The following ARID1A variants were observed in gnomAD, a reference collection of about 807,000 sequenced individuals.
The protein encoded by ARID1A is AT-rich interactive domain-containing protein 1A.
ARID1A carries 20 observed loss-of-function variants against 212.6 expected under a neutral mutation model. The ratio of observed to expected loss-of-function variants is 0.09; its 90% CI spans 0.07 to 0.14. The LOEUF is 0.14. Among genes scored for constraint, ARID1A ranks in the 10% least tolerant of loss-of-function variants. The pLI, the probability that ARID1A is intolerant of heterozygous loss-of-function variation, is 1.00. For synonymous variants in ARID1A, 1,376 were observed against 1,222.1 expected (o/e 1.13, Z -2.63); for missense variants, 2,587 against 3,059.0 (o/e 0.85, Z 3.64).
At chr1:26,760,454 A>C (rs1173041697) in intron 4 of ARID1A, among the ~76,000 whole-genome samples, 1 of 152,050 alleles carries the variant, frequency 6.6e-6, no homozygotes, top group African/African-American at 2.4e-5. Flanking sequence ...TTGGGAGGCC[A>C]AGGAGGGTGG....
At position 26,731,350 on chromosome 1, in the gene ARID1A, C is replaced by G. The variant is rs1250358228; in HGVS notation, c.1549C>G (p.Pro517Ala). The G allele has an allele frequency of 6.2e-7, 1 of 1,613,928 alleles. No individual in the cohort carries two copies. The highest frequency in any genetic ancestry group is 8.5e-7 in the Non-Finnish European group (1 of 1,179,966). ...QPPQLQSSQP[P>A]YSQQPSQPPH... is the part of the protein sequence containing the mutation. Reference sequence around the variant, plus strand: ...ACCACAGCTCCAGTCCTCTCAGCCTCCATACTCCCAGCAGCCATCCCAGCC... The same window carrying G: ...ACCACAGCTCCAGTCCTCTCAGCCTGCATACTCCCAGCAGCCATCCCAGCC... The change falls in exon 3 of 20, where the codon CCA (proline) becomes GCA (alanine). Residue 517 changes from proline (P) to alanine (A), a missense_variant. This residue lies in a region of ARID1A where 674 missense variants were observed against 813.4 expected (regional missense o/e 0.83). Transcript: ENST00000324856.
intron 1 of ARID1A, among the ~76,000 whole-genome samples, chr1:26,727,546 A>G (rs1272290651): frequency 6.6e-6 from 1 of 152,232 alleles, no homozygotes; most frequent in Non-Finnish European, 1.5e-5. Context: ...GACTCATTCA[A>G]AGATCTTAAG....
chr1:26,766,103 A>G, intron 8 of ARID1A, 118 bp from the exon 9 acceptor site: 2 of 1,199,586 alleles, frequency 1.7e-6, no homozygotes, highest in South Asian at 1.6e-5. Flanking sequence ...TTGGGGACCC[A>G]TAAATGTTTT....
chr1:26,720,708 C>T (rs1297598152), intron 1 of ARID1A, among the ~76,000 whole-genome samples: 1 of 151,844 alleles, frequency 6.6e-6, no homozygotes, highest in African/African-American at 2.4e-5. Context: ...GAAACCCCAT[C>T]TCTACAAAAA....
At position 26,774,701 on chromosome 1, in the gene ARID1A, G is replaced by T. The variant is rs769381588; in HGVS notation, c.4474G>T (p.Ala1492Ser). Reference protein sequence around the residue: ...GGPIQASAEVAQQGTMWQGRN... With the variant: ...GGPIQASAEVSQQGTMWQGRN... ...CCCCATACAGGCATCAGCTGAGGTT[G>T]CTCAGCAAGGCACCATGTGGCAGGG... Residue 1492 changes from alanine (A) to serine (S), a missense_variant, in exon 18 of 20, where the codon GCT becomes TCT. Transcript: ENST00000324856. This position sits in a 1 kb window ranked among gnomAD's most constrained non-coding sequence, Gnocchi z 5.6. 6.2e-7 allele frequency: 1 copy of T among 1,614,234 alleles called. No individual in the cohort carries two copies.
chr1:26,780,946 A>C lies in ARID1A; in HGVS notation c.*190A>C. 4.0e-6 allele frequency: 3 copies of C among 745,124 alleles called. No homozygotes were observed. Among genetic ancestry groups the C allele is most frequent in the African/African-American group, 1.8e-5 (1 of 56,244 alleles). 46.2% of individuals were successfully genotyped at this position (745,124 alleles called of 1,614,324 possible). On this transcript the variant is annotated 3_prime_UTR_variant, in exon 20 of 20. Transcript: ENST00000324856. The surrounding 1 kb of genome is among the most constrained non-coding windows in gnomAD (Gnocchi z 7.2). ...CCACCTCCCCTCCCTCCATCACCTC[A>C]CGCCTTTCTGTTCCTTGTCCTCACC... is the stretch of plus-strand genomic sequence containing the variant.
Position 26,779,536 on chromosome 1 carries a change from A to G in ARID1A, c.5638A>G (p.Lys1880Glu), listed in dbSNP as rs2124141254. 1 of 1,614,118 alleles carries G rather than the reference A, an allele frequency of 6.2e-7. No homozygotes were observed. The highest frequency in any genetic ancestry group is 8.5e-7 in the Non-Finnish European group (1 of 1,180,008). ...CGCACCCTGCCCACCAGCCCCTCGG[A>G]AGCATGTGACAACAGCAGAGGGTAC... ...PHAPCPPAPRKHVTTAEGTPG... is the reference protein window; with the variant it reads ...PHAPCPPAPREHVTTAEGTPG... The change falls in exon 20 of 20, where the codon AAG (lysine) becomes GAG (glutamate). Residue 1880 changes from lysine (K) to glutamate (E), a missense_variant. Coordinates refer to ENST00000324856, the MANE Select transcript of ARID1A (RefSeq NM_006015.6).
intron 1 of ARID1A, among the ~76,000 whole-genome samples, chr1:26,726,312 T>C (rs1444238494): frequency 1.3e-5 from 2 of 151,876 alleles, no homozygotes; most frequent in African/African-American, 4.8e-5. Flanking sequence ...AGCTGGGACT[T>C]ATAGGCATGT....
chr1:26,734,715 C>T (rs1019871118), intron 4 of ARID1A, among the ~76,000 whole-genome samples: 7 of 152,216 alleles, frequency 4.6e-5, no homozygotes, highest in African/African-American at 9.6e-5. Flanking sequence ...GATTTGCCTA[C>T]GCAGGCTAGG....
At chr1:26,744,949 C>G (rs1172058868) in intron 4 of ARID1A, among the ~76,000 whole-genome samples, 1 of 152,160 alleles carries the variant, frequency 6.6e-6, no homozygotes, top group East Asian at 1.9e-4. Flanking sequence ...AGGCTCCCCC[C>G]TCTTGCCCAT....
chr1:26,706,260 T>A (rs1450486966), intron 1 of ARID1A, among the ~76,000 whole-genome samples: 1 of 152,208 alleles, frequency 6.6e-6, no homozygotes, highest in Non-Finnish European at 1.5e-5. Context: ...CACTGGCAGA[T>A]TCATGATTTT....
intron 1 of ARID1A, among the ~76,000 whole-genome samples, chr1:26,712,029 C>T (rs530761826): frequency 2.0e-4 from 31 of 152,040 alleles, no homozygotes; most frequent in African/African-American, 7.0e-4. Context: ...TGCAGTGAGC[C>T]ATGATGGCAC....
At chr1:26,766,082 T>G in intron 8 of ARID1A, 139 bp from the exon 9 acceptor site, 1 of 910,436 alleles carries the variant, frequency 1.1e-6, no homozygotes. Context: ...GGATGTTGCA[T>G]AGTTCTAGTT....
intron 8 of ARID1A, among the ~76,000 whole-genome samples, chr1:26,763,928 A>G (rs1429533522): frequency 6.6e-6 from 1 of 152,248 alleles, no homozygotes; most frequent in East Asian, 1.9e-4. Context: ...AGTTGGGACT[A>G]CAGGCACACA....
At position 26,775,235 on chromosome 1, in the gene ARID1A, C is replaced by G. The variant is rs749770789; in HGVS notation, c.4993+15C>G. 16 of 1,559,028 alleles carry G rather than the reference C, an allele frequency of 1.0e-5. No homozygotes were observed. Among genetic ancestry groups the G allele is most frequent in the Non-Finnish European group, 1.4e-5 (16 of 1,153,530 alleles). On this transcript the variant is annotated intron_variant, in intron 18 of 19. Coordinates refer to ENST00000324856, the MANE Select transcript of ARID1A (RefSeq NM_006015.6). Reference sequence around the variant, plus strand: ...GAAAGACATTGGTAAGGAGATCTTCCTCATTCGGTTGCCTAATCTGCCCCT... The same window carrying G: ...GAAAGACATTGGTAAGGAGATCTTCGTCATTCGGTTGCCTAATCTGCCCCT...
intron 1 of ARID1A, among the ~76,000 whole-genome samples, chr1:26,721,006 A>G (rs2080559352): frequency 6.6e-6 from 1 of 152,156 alleles, no homozygotes; most frequent in African/African-American, 2.4e-5. Context: ...CCACTCCCTC[A>G]GGAAGTTGGT....
At chr1:26,763,748 G>A (rs895677149) in intron 8 of ARID1A, among the ~76,000 whole-genome samples, 9 of 152,136 alleles carry the variant, frequency 5.9e-5, no homozygotes, top group South Asian at 4.1e-4. Context: ...CAGCCTGGGC[G>A]ACAGAGCGAG....
chr1:26,710,057 C>G (rs1364664787), intron 1 of ARID1A, among the ~76,000 whole-genome samples: 1 of 148,650 alleles, frequency 6.7e-6, no homozygotes, highest in Non-Finnish European at 1.5e-5. Flanking sequence ...GTCTGGAACT[C>G]CTGACCTCAG....
At chr1:26,737,796 C>T (rs563511376) in intron 4 of ARID1A, among the ~76,000 whole-genome samples, 1 of 150,780 alleles carries the variant, frequency 6.6e-6, no homozygotes, top group South Asian at 2.1e-4. Flanking sequence ...ACCTGGGAGG[C>T]AGAGGTTGCG....
Sources: gnomAD v4.1 joint callset for allele counts (sites outside exome capture counted in the v4.1 genomes callset) on GRCh38, gnomAD v4.1.1 for gene constraint, gnomAD v4.1.1 regional missense constraint, Gnocchi (gnomAD v3.1) non-coding constraint, MANE v1.5 for transcripts, NCBI Gene and HGNC (gene_info 2026-07-23, HGNC 2026-07-21) for gene names.